MTDH: variants seen among roughly 807,000 people sequenced by gnomAD.
MTDH encodes protein LYRIC.
Under a neutral mutation model 72.7 loss-of-function variants are expected in MTDH, and 34 were observed. The ratio of observed to expected loss-of-function variants is 0.47; its 90% confidence interval spans 0.36 to 0.62. The LOEUF (loss-of-function observed/expected upper bound fraction) is 0.62, where lower values mean the gene tolerates loss of function less well. Ranked by LOEUF, MTDH falls within the 20% of genes least tolerant of loss-of-function variation. MTDH has a pLI of 0.00. For missense variants in MTDH, 677 were observed against 699.4 expected (o/e 0.97, Z 0.36); for synonymous variants, 266 against 268.9 (o/e 0.99, Z 0.10).
At chr8:97,701,196 G>C (rs929499491) in intron 7 of MTDH, among the ~76,000 whole-genome samples, 1 of 152,094 alleles carries the variant, frequency 6.6e-6, no homozygotes, top group African/African-American at 2.4e-5. Flanking sequence ...TGAAAGCTCT[G>C]TAAATTACAG....
intron 10 of MTDH, among the ~76,000 whole-genome samples, chr8:97,722,435 A>G (rs1815166883): frequency 6.6e-6 from 1 of 151,958 alleles, no homozygotes; most frequent in Non-Finnish European, 1.5e-5. Context: ...CCTTGTCTCT[A>G]CTAAAAACAC....
chr8:97,705,815 G>A (rs1814328070), intron 7 of MTDH, among the ~76,000 whole-genome samples: 1 of 152,210 alleles, frequency 6.6e-6, no homozygotes, highest in South Asian at 2.1e-4. Flanking sequence ...TGCAGGGAGA[G>A]AAGGGAAGAA....
intron 2 of MTDH, among the ~76,000 whole-genome samples, chr8:97,672,272 A>G (rs1480387499): frequency 3.3e-5 from 5 of 152,186 alleles, no homozygotes; most frequent in South Asian, 2.1e-4. Flanking sequence ...TGCAAAGCCT[A>G]AAATATTTAC....
chr8:97,705,576 G>C (rs1293446213), intron 7 of MTDH, among the ~76,000 whole-genome samples: 7 of 152,202 alleles, frequency 4.6e-5, no homozygotes, highest in Admixed American at 3.9e-4. Flanking sequence ...CTCCAGCTTG[G>C]GCGACAGAGC....
intron 8 of MTDH, 92 bp downstream of exon 8, chr8:97,706,842 G>A: frequency 2.1e-6 from 3 of 1,422,494 alleles, no homozygotes; most frequent in Non-Finnish European, 1.9e-6. Context: ...CACTTTGGGA[G>A]GTACTGTGGG....
chr8:97,681,588 G>A (rs1813076525), intron 2 of MTDH, among the ~76,000 whole-genome samples: 1 of 150,646 alleles, frequency 6.6e-6, no homozygotes, highest in Non-Finnish European at 1.5e-5. Context: ...CCGCCTCCCG[G>A]GTTCAAGCGA....
chr8:97,699,814 G>A lies in MTDH; in HGVS notation c.1109G>A (p.Arg370His), dbSNP rs369703884. Reference sequence around the variant, plus strand: ...TCTGATTATCAGTGGGATGTTAGCCGTAATCAACCCTATATCGATGATGAA... The same window carrying A: ...TCTGATTATCAGTGGGATGTTAGCCATAATCAACCCTATATCGATGATGAA... ...TTSDYQWDVS[R>H]NQPYIDDEWS... Residue 370 changes from arginine (R) to histidine (H), a missense_variant, in exon 7 of 12, where the codon CGT becomes CAT. Arg to His is a conservative substitution (Grantham distance 29, BLOSUM62 0). Around this residue, in one of 3 missense-constraint regions of MTDH, gnomAD observed 467 missense variants for 469.1 expected, o/e 1.00. Transcript: ENST00000336273. 17 of 1,612,872 alleles carry A rather than the reference G, an allele frequency of 1.1e-5. No homozygotes were observed. The African/African-American group carries it at 1.1e-4, about 10-fold the overall frequency.
intron 7 of MTDH, among the ~76,000 whole-genome samples, chr8:97,703,638 G>C (rs1385104449): frequency 6.6e-6 from 1 of 152,176 alleles, no homozygotes; most frequent in Non-Finnish European, 1.5e-5. Context: ...GTTGGTATAA[G>C]ATGAGTAGTT....
intron 9 of MTDH, among the ~76,000 whole-genome samples, chr8:97,716,049 T>G (rs1479077905): frequency 6.6e-6 from 1 of 152,194 alleles, no homozygotes; most frequent in Non-Finnish European, 1.5e-5. Flanking sequence ...GAATTTGATA[T>G]CCATGAAGTT....
At chr8:97,648,789 C>G (rs1317172587) in intron 1 of MTDH, among the ~76,000 whole-genome samples, 2 of 152,162 alleles carry the variant, frequency 1.3e-5, no homozygotes, top group African/African-American at 2.4e-5. Flanking sequence ...TGTTTGCTAC[C>G]AGATAGCCTT....
intron 8 of MTDH, among the ~76,000 whole-genome samples, chr8:97,711,320 A>G (rs888532136): frequency 2.6e-5 from 4 of 150,954 alleles, no homozygotes; most frequent in African/African-American, 7.3e-5. Context: ...ACAACATAGC[A>G]AGACCCTATC....
intron 5 of MTDH, among the ~76,000 whole-genome samples, chr8:97,689,488 C>T (rs1185696031): frequency 6.6e-6 from 1 of 151,042 alleles, no homozygotes; most frequent in Non-Finnish European, 1.5e-5. Context: ...GCTTTAGTTC[C>T]TATAATGTTT....
chr8:97,661,936 A>C (rs949857158), intron 2 of MTDH, among the ~76,000 whole-genome samples: 2 of 149,954 alleles, frequency 1.3e-5, no homozygotes, highest in African/African-American at 5.0e-5. Flanking sequence ...AAAAAAAAAG[A>C]AAAAAGATAT....
chr8:97,721,081 A>G (rs1420881460), intron 10 of MTDH, among the ~76,000 whole-genome samples: 1 of 152,158 alleles, frequency 6.6e-6, no homozygotes, highest in Non-Finnish European at 1.5e-5. Context: ...ATAAGTAACA[A>G]TAAAACTTCT....
intron 8 of MTDH, among the ~76,000 whole-genome samples, chr8:97,711,732 A>G (rs542515612): frequency 3.5e-4 from 53 of 152,324 alleles, no homozygotes; most frequent in African/African-American, 1.2e-3. Context: ...ATAACCTCTG[A>G]TAAAGTTTAA....
chr8:97,699,227 G>A (rs1050267165), intron 6 of MTDH, among the ~76,000 whole-genome samples: 1 of 152,118 alleles, frequency 6.6e-6, no homozygotes, highest in Admixed American at 6.5e-5. Flanking sequence ...GGCAGAAATT[G>A]CAGTGAGCCG....
intron 1 of MTDH, among the ~76,000 whole-genome samples, chr8:97,659,103 A>T (rs1191938262): frequency 1.3e-5 from 2 of 152,032 alleles, no homozygotes; most frequent in East Asian, 3.9e-4. Flanking sequence ...AGATTGCGCC[A>T]CTGCACTCCA....
intron 1 of MTDH, among the ~76,000 whole-genome samples, chr8:97,660,436 G>A (rs1233328669): frequency 1.3e-5 from 2 of 152,086 alleles, no homozygotes; most frequent in East Asian, 3.8e-4. Context: ...ATGCTACAAT[G>A]GAGGAATTAT....
intron 9 of MTDH, among the ~76,000 whole-genome samples, chr8:97,716,703 TTTTGTTTTG>T (rs1814887321): frequency 6.6e-6 from 1 of 151,964 alleles, no homozygotes; most frequent in African/African-American, 2.4e-5. Flanking sequence ...TCTCTTTTTG[TTTTGTTTTG>T]TTTGTTTGTT....
Sources: allele counts gnomAD v4.1 joint callset (sites outside exome capture counted in the v4.1 genomes callset), GRCh38; gene constraint gnomAD v4.1.1; regional missense constraint gnomAD v4.1.1; transcripts MANE v1.5; gene names NCBI Gene and HGNC (gene_info 2026-07-23, HGNC 2026-07-21).